PLCB1: variants seen among roughly 807,000 people sequenced by gnomAD.
PLCB1 encodes phospholipase C beta 1.
In PLCB1, 46 loss-of-function variants were observed where a neutral mutation model predicts 161.8. That is an observed-to-expected ratio of 0.28 (90% CI 0.22 to 0.36). The LOEUF (loss-of-function observed/expected upper bound fraction) is 0.36, where lower values mean the gene tolerates loss of function less well. Among genes scored for constraint, PLCB1 ranks in the 10% least tolerant of loss-of-function variants. PLCB1 has a pLI of 1.00. For synonymous variants in PLCB1, 517 were observed against 503.7 expected (o/e 1.03, Z -0.35); for missense variants, 1,016 against 1,472.5 (o/e 0.69, Z 5.07).
chr20:8,648,387 G>A (rs1989223385), intron 6 of PLCB1, among the ~76,000 whole-genome samples: 1 of 152,016 alleles, frequency 6.6e-6, no homozygotes, highest in African/African-American at 2.4e-5. Context: ...GGAGGAGGAG[G>A]AAAAACTAAA....
At chr20:8,323,576 C>T (rs574288683) in intron 2 of PLCB1, among the ~76,000 whole-genome samples, 8 of 152,232 alleles carry the variant, frequency 5.3e-5, no homozygotes, top group African/African-American at 1.7e-4. Flanking sequence ...TAGGGCTTCT[C>T]ATTCGGAGGT....
At chr20:8,179,882 G>T (rs1318258399) in intron 2 of PLCB1, among the ~76,000 whole-genome samples, 1 of 84,480 alleles carries the variant, frequency 1.2e-5, no homozygotes, top group Non-Finnish European at 2.1e-5. Context: ...TTTTTGAGAC[G>T]GAGTCCCTCT....
intron 3 of PLCB1, among the ~76,000 whole-genome samples, chr20:8,604,926 A>G (rs1196634399): frequency 6.6e-6 from 1 of 152,162 alleles, no homozygotes; most frequent in Non-Finnish European, 1.5e-5. Context: ...TTTGTTATAA[A>G]TATCACTGGG....
chr20:8,694,961 C>T (rs1261641270), intron 10 of PLCB1, among the ~76,000 whole-genome samples: 3 of 152,148 alleles, frequency 2.0e-5, no homozygotes, highest in Non-Finnish European at 4.4e-5. Flanking sequence ...GTCTTTTCCC[C>T]TTTACTCCCA....
intron 4 of PLCB1, among the ~76,000 whole-genome samples, chr20:8,637,825 A>C (rs1346058059): frequency 6.6e-6 from 1 of 152,230 alleles, no homozygotes; most frequent in Non-Finnish European, 1.5e-5. Context: ...AAACTTTCAG[A>C]ATCAATTTAT....
At chr20:8,480,810 A>G (rs996128229) in intron 3 of PLCB1, among the ~76,000 whole-genome samples, 1 of 152,208 alleles carries the variant, frequency 6.6e-6, no homozygotes, top group Admixed American at 6.5e-5. Context: ...AAAGTTTACT[A>G]TTGAATATAG....
rs73089680 is a variant in PLCB1 at position 8,877,526 on chromosome 20, C to G, written c.3424-4096C>G. ...ACTCCCTTTAGACAGGGCCTGTCAT[C>G]TCTAGCTCTTCAGAAACCCCACAAC... On this transcript the variant is annotated intron_variant, in intron 31 of 31. Transcript: ENST00000338037. Among the ~76,000 whole-genome samples the G allele has an allele frequency of 5.9e-3, 899 of 152,290 alleles. 7 individuals carry two copies. The highest frequency in any genetic ancestry group is 0.014 in the Middle Eastern group (4 of 294).
intron 18 of PLCB1, among the ~76,000 whole-genome samples, chr20:8,730,432 T>C (rs1980176825): frequency 6.6e-6 from 1 of 151,984 alleles, no homozygotes; most frequent in East Asian, 1.9e-4. Context: ...TCACTTTGTA[T>C]CTTTTCCATT....
chr20:8,520,676 C>T (rs1202270586), intron 3 of PLCB1, among the ~76,000 whole-genome samples: 1 of 152,196 alleles, frequency 6.6e-6, no homozygotes, highest in Non-Finnish European at 1.5e-5. Context: ...CACTCCACGA[C>T]TAAAGGCAAC....
chr20:8,347,979 A>C (rs776203697), intron 2 of PLCB1, among the ~76,000 whole-genome samples: 1 of 152,052 alleles, frequency 6.6e-6, no homozygotes, highest in Non-Finnish European at 1.5e-5. Context: ...CTCAAAAAAA[A>C]GAAAAAAAAG....
At position 8,785,864 on chromosome 20, in the gene PLCB1, A is replaced by G. The variant is rs151168540; in HGVS notation, c.3112-2585A>G. 5.6e-3 allele frequency among the ~76,000 whole-genome samples: 854 copies of G among 152,300 alleles called. 6 individuals carry two copies. The highest frequency in any genetic ancestry group is 0.02 in the African/African-American group (822 of 41,546). ...TATTCTGAAGTCAGGTGAATGATAGAGATGAGGACATGGAAACAGGAATAT... is the reference window on the plus strand; with the variant it reads ...TATTCTGAAGTCAGGTGAATGATAGGGATGAGGACATGGAAACAGGAATAT... On this transcript the variant is annotated intron_variant, in intron 27 of 31. Transcript: ENST00000338037.
chr20:8,742,077 T>A (rs1009276263), intron 23 of PLCB1, among the ~76,000 whole-genome samples: 2 of 152,174 alleles, frequency 1.3e-5, no homozygotes, highest in African/African-American at 4.8e-5. Context: ...ATGTGTGTCC[T>A]GCAAATAATT....
intron 14 of PLCB1, among the ~76,000 whole-genome samples, chr20:8,721,851 A>G (rs775303669): frequency 7.9e-5 from 12 of 152,104 alleles, no homozygotes; most frequent in African/African-American, 1.7e-4. Flanking sequence ...TGGCCTTGGG[A>G]AAAATGTCAA....
intron 3 of PLCB1, among the ~76,000 whole-genome samples, chr20:8,419,647 C>T (rs1027384546): frequency 1.3e-5 from 2 of 152,014 alleles, no homozygotes; most frequent in Admixed American, 6.6e-5. Context: ...GACTAAGATA[C>T]GATGCTCAGA....
At chr20:8,492,861 TG>T (rs1389421227) in intron 3 of PLCB1, among the ~76,000 whole-genome samples, 79 of 152,186 alleles carry the variant, frequency 5.2e-4, no homozygotes, top group Middle Eastern at 6.8e-3. Context: ...TGTGTGTGTG[TG>T]TGTGTGTGTG....
intron 3 of PLCB1, among the ~76,000 whole-genome samples, chr20:8,471,007 A>G (rs1213678355): frequency 1.3e-5 from 2 of 152,196 alleles, no homozygotes; most frequent in African/African-American, 4.8e-5. Flanking sequence ...ACTTGCAAAT[A>G]TGATAACTAA....
intron 2 of PLCB1, among the ~76,000 whole-genome samples, chr20:8,167,264 A>T (rs2051685275): frequency 6.6e-6 from 1 of 152,240 alleles, no homozygotes. Flanking sequence ...ACATTGTAGG[A>T]ACTCCAAGAC....
chr20:8,719,792 C>T (rs577745888), intron 14 of PLCB1, among the ~76,000 whole-genome samples: 10 of 152,034 alleles, frequency 6.6e-5, no homozygotes, highest in South Asian at 4.2e-4. Flanking sequence ...CTTTTCTGTA[C>T]GCCTGTTATA....
In PLCB1 at chr20:8,829,443, T is replaced by G. The variant is rs566192765; in HGVS notation, c.3423+39182T>G. Among the ~76,000 whole-genome samples the G allele has an allele frequency of 7.9e-5, 12 of 152,314 alleles. 1 individual carries two copies. In the South Asian group the frequency reaches 2.5e-3, roughly 32 times the overall value. ...GTGCTTGGAATATGAGCACTTAGAC[T>G]TCTAGATTTTAAAAGGATTTCTGAG... On this transcript the variant is annotated intron_variant, in intron 31 of 31. Coordinates refer to ENST00000338037, the MANE Select transcript of PLCB1 (RefSeq NM_015192.4).
Sources: allele counts gnomAD v4.1 joint callset (sites outside exome capture counted in the v4.1 genomes callset), GRCh38; gene constraint gnomAD v4.1.1; transcripts MANE v1.5; gene names NCBI Gene and HGNC (gene_info 2026-07-23, HGNC 2026-07-21).